ZNF431: variants seen among roughly 807,000 people sequenced by gnomAD.
ZNF431 encodes zinc finger protein 431.
ZNF431 carries 34 observed loss-of-function variants against 57.0 expected under a neutral mutation model. The observed-to-expected ratio is 0.60, with a 90% CI of 0.45 to 0.79. The LOEUF (loss-of-function observed/expected upper bound fraction) is 0.79, where lower values mean the gene tolerates loss of function less well. ZNF431 is among the 30% of genes least tolerant of loss of function. The pLI is 0.00. For missense variants in ZNF431, 607 were observed against 667.1 expected (o/e 0.91, Z 0.99); for synonymous variants, 207 against 220.3 (o/e 0.94, Z 0.54).
intron 4 of ZNF431, among the ~76,000 whole-genome samples, chr19:21,178,630 C>G (rs997162965): frequency 2.0e-5 from 3 of 152,088 alleles, no homozygotes; most frequent in Non-Finnish European, 2.9e-5. Context: ...AACCAGCCTT[C>G]CATCCCGGGA....
intron 4 of ZNF431, among the ~76,000 whole-genome samples, chr19:21,170,491 G>C (rs540283940): frequency 1.9e-4 from 29 of 152,098 alleles, no homozygotes; most frequent in Non-Finnish European, 3.7e-4. Flanking sequence ...GAATTTACAT[G>C]TTATGCCTGA....
Position 21,170,462 on chromosome 19 carries a change from C to G in ZNF431, c.319+2796C>G, listed in dbSNP as rs1400630853. ...ACTTCTCTGTCATTTTAGATTCAGA[C>G]ATTTAGGACAATATGCTAGAATTTA... is the stretch of plus-strand genomic sequence containing the variant. On this transcript the variant is annotated intron_variant, in intron 4 of 4. Coordinates refer to ENST00000311048, the MANE Select transcript of ZNF431 (RefSeq NM_133473.4). 2.6e-5 allele frequency among the ~76,000 whole-genome samples: 4 copies of G among 152,238 alleles called. No homozygotes were observed. The East Asian group carries it at 7.7e-4, about 29-fold the overall frequency.
Position 21,183,663 on chromosome 19 carries a change from A to G in ZNF431, c.1360A>G (p.Lys454Glu), listed in dbSNP as rs1055103649. The change falls in exon 5 of 5, where the codon AAA becomes GAA. Residue 454 changes from lysine to glutamate, a missense_variant. Lys to Glu is a moderately conservative substitution (Grantham distance 56). Transcript: ENST00000311048. Reference sequence around the variant, plus strand: ...ACATAAGATAATTCATACTGGAGAGAAACCTTACAAATGTGAAGAATGTGG... The same window carrying G: ...ACATAAGATAATTCATACTGGAGAGGAACCTTACAAATGTGAAGAATGTGG... ...TAHKIIHTGE[K>E]PYKCEECGKA... The G allele has an allele frequency of 4.3e-6, 7 of 1,613,460 alleles. No individual in the cohort carries two copies. In the African/African-American group the frequency reaches 5.3e-5, roughly 12 times the overall value.
chr19:21,176,945 C>A (rs142574152), intron 4 of ZNF431, among the ~76,000 whole-genome samples: 2 of 151,946 alleles, frequency 1.3e-5, no homozygotes, highest in Admixed American at 6.6e-5. Context: ...TCATCTACCC[C>A]CTTTGGCCTC....
intron 2 of ZNF431, among the ~76,000 whole-genome samples, chr19:21,159,534 A>C (rs1351656679): frequency 6.6e-6 from 1 of 151,950 alleles, no homozygotes. Flanking sequence ...CACCACACCC[A>C]GGTAATTTTT....
In ZNF431 at chr19:21,188,747, C is replaced by T. The variant is rs1213275797; in HGVS notation, c.*4713C>T. 6.6e-6 allele frequency: 1 copy of T among 152,078 alleles called. No homozygotes were observed. Among genetic ancestry groups the T allele is most frequent in the East Asian group, 1.9e-4 (1 of 5,184 alleles). The allele number at this position is 152,078 out of a possible 1,614,324, so 9.4% of individuals were successfully genotyped here. A position where few individuals can be genotyped will look rare whatever the true frequency, so the allele number is the denominator to read the frequency against. The stretch of plus-strand genomic sequence containing the variant: ...GATCATGACAGCGTTTGGATTAAAA[C>T]ATTTCTGTTACTTTGCATGCAAACT... On this transcript the variant is annotated 3_prime_UTR_variant, in exon 5 of 5. Transcript: ENST00000311048.
intron 4 of ZNF431, among the ~76,000 whole-genome samples, chr19:21,179,982 G>C (rs1037777427): frequency 6.6e-6 from 1 of 152,080 alleles, no homozygotes; most frequent in Non-Finnish European, 1.5e-5. Flanking sequence ...GGAGTAGGTT[G>C]TTCAGTTTCG....
chr19:21,147,616 A>C (rs1396161732), intron 2 of ZNF431, among the ~76,000 whole-genome samples: 4 of 152,208 alleles, frequency 2.6e-5, no homozygotes, highest in African/African-American at 9.6e-5. Context: ...AAAAAAAAAA[A>C]AAACCATGAT....
At chr19:21,175,462 G>A (rs1344413569) in intron 4 of ZNF431, 2 of 695,226 alleles carry the variant, frequency 2.9e-6, no homozygotes, top group Admixed American at 2.0e-5. Context: ...GGATACATGT[G>A]CAGGATGTGC....
rs192111705 is a variant in ZNF431, at chr19:21,183,795, A to G, written c.1492A>G (p.Asn498Asp). Residue 498 changes from asparagine to aspartate, a missense_variant, in exon 5 of 5, where the codon AAT becomes GAT. Coordinates refer to ENST00000311048, the MANE Select transcript of ZNF431 (RefSeq NM_133473.4). Reference sequence around the variant, plus strand: ...TGGCAAAGCTTTTAACCGATCCTCAAATCTTACTAAACATAAGATAATTCA... The same window carrying G: ...TGGCAAAGCTTTTAACCGATCCTCAGATCTTACTAAACATAAGATAATTCA... ...ECGKAFNRSSNLTKHKIIHTG... is the reference protein window; with the variant it reads ...ECGKAFNRSSDLTKHKIIHTG... The G allele has an allele frequency of 3.1e-6, 5 of 1,613,912 alleles. No individual in the cohort carries two copies. The highest frequency in any genetic ancestry group is 4.5e-5 in the East Asian group (2 of 44,850).
At position 21,191,840 on chromosome 19, in the gene ZNF431, C is replaced by G. The variant is rs953646037; in HGVS notation, c.*7806C>G. 6.6e-6 allele frequency: 1 copy of G among 152,084 alleles called. No individual in the cohort carries two copies. Among genetic ancestry groups the G allele is most frequent in the Non-Finnish European group, 1.5e-5 (1 of 68,004 alleles). 9.4% of individuals were successfully genotyped at this position (152,084 alleles called of 1,614,324 possible). The stretch of plus-strand genomic sequence containing the variant: ...TTTTGTCTTGATTGCTTTGGCTATT[C>G]AGGGTCTTTTGTGATACCATATGAA... On this transcript the variant is annotated 3_prime_UTR_variant, in exon 5 of 5. Coordinates refer to ENST00000311048, the MANE Select transcript of ZNF431 (RefSeq NM_133473.4).
At chr19:21,145,871 A>G (rs373735894) in intron 2 of ZNF431, among the ~76,000 whole-genome samples, 6 of 152,280 alleles carry the variant, frequency 3.9e-5, no homozygotes, top group African/African-American at 1.4e-4. Flanking sequence ...GGAATGGCAA[A>G]TGAACCGTGA....
rs749424799 is a variant in ZNF431, at chr19:21,162,144, T to TTGTGTG, written c.97-4155_97-4150dup. 7.8e-3 allele frequency among the ~76,000 whole-genome samples: 519 copies of TTGTGTG among 66,138 alleles called. 2 individuals are homozygous for TTGTGTG. The highest frequency in any genetic ancestry group is 0.018 in the African/African-American group (469 of 25,370). The allele number at this position is 66,138 out of a possible 152,430, so 43.4% of individuals were successfully genotyped here. On this transcript the variant is annotated intron_variant, in intron 2 of 4. Transcript: ENST00000311048. ...GGTGCCTGTCACCACATCCAGCTAA[T>TTGTGTG]TGTGTGTGTGTGTGTGTGTGTGTGT...
At chr19:21,162,271 T>C (rs1970594161) in intron 2 of ZNF431, among the ~76,000 whole-genome samples, 1 of 151,256 alleles carries the variant, frequency 6.6e-6, no homozygotes, top group South Asian at 2.1e-4. Context: ...TCTATGGGAG[T>C]CAAGCGATTG....
In ZNF431 at chr19:21,194,628, C is replaced by T. The variant is rs1346908033; in HGVS notation, c.*10594C>T. ...GGATTACAGGTGCCCACCAGCACAC[C>T]TGGCTAATTTTTATGTTTTTAGTAG... On this transcript the variant is annotated 3_prime_UTR_variant, in exon 5 of 5. Transcript: ENST00000311048. 1 of 152,050 alleles carries T rather than the reference C, an allele frequency of 6.6e-6. No individual in the cohort carries two copies. The highest frequency in any genetic ancestry group is 1.5e-5 in the Non-Finnish European group (1 of 68,034). The allele number at this position is 152,050 out of a possible 1,614,324, so 9.4% of individuals were successfully genotyped here. A position where few individuals can be genotyped will look rare whatever the true frequency, so the allele number is the denominator to read the frequency against.
rs1971482212 is a variant in ZNF431, at chr19:21,190,328, T to C, written c.*6294T>C. 1 of 153,570 alleles carries C rather than the reference T, an allele frequency of 6.5e-6. No individual in the cohort carries two copies. Among genetic ancestry groups the C allele is most frequent in the Non-Finnish European group, 1.4e-5 (1 of 68,974 alleles). 9.5% of individuals were successfully genotyped at this position (153,570 alleles called of 1,614,324 possible). A position where few individuals can be genotyped will look rare whatever the true frequency, so the allele number is the denominator to read the frequency against. On this transcript the variant is annotated 3_prime_UTR_variant, in exon 5 of 5. Coordinates refer to ENST00000311048, the MANE Select transcript of ZNF431 (RefSeq NM_133473.4). ...CTGCAAACAGAAGTGCAAATGTTTC[T>C]TTATTCTTATTTTGTTTTGGATATA...
intron 2 of ZNF431, among the ~76,000 whole-genome samples, chr19:21,152,767 C>T (rs1440553932): frequency 6.6e-6 from 1 of 152,072 alleles, no homozygotes; most frequent in Non-Finnish European, 1.5e-5. Flanking sequence ...CACCACTCAC[C>T]CAAAGTCAGC....
chr19:21,161,634 C>T (rs898876528), intron 2 of ZNF431, among the ~76,000 whole-genome samples: 5 of 151,932 alleles, frequency 3.3e-5, no homozygotes, highest in Non-Finnish European at 7.4e-5. Context: ...AGTGCCTAAC[C>T]CAGGTCTGTT....
Position 21,143,639 on chromosome 19 carries a change from A to T in ZNF431, c.92A>T (p.Glu31Val), listed in dbSNP as rs757429101. Residue 31 changes from glutamate to valine, a missense_variant, in exon 2 of 5, where the codon GAA becomes GTA. Glu to Val is a moderately radical substitution (Grantham distance 121). Transcript: ENST00000311048. ...ERNLLVYSYFEKETLTFRDVA... is the reference protein window; with the variant it reads ...ERNLLVYSYFVKETLTFRDVA... Reference sequence around the variant, plus strand: ...AATCTTCTAGTTTACTCTTATTTTGAAAAGGTAACCTCTTGAGACATTAAA... The same window carrying T: ...AATCTTCTAGTTTACTCTTATTTTGTAAAGGTAACCTCTTGAGACATTAAA... The T allele has an allele frequency of 1.9e-6, 3 of 1,612,580 alleles. No individual in the cohort carries two copies. The highest frequency in any genetic ancestry group is 2.5e-6 in the Non-Finnish European group (3 of 1,178,648).
Sources: allele counts gnomAD v4.1 joint callset (sites outside exome capture counted in the v4.1 genomes callset), GRCh38; gene constraint gnomAD v4.1.1; transcripts MANE v1.5; gene names NCBI Gene and HGNC (gene_info 2026-07-23, HGNC 2026-07-21).